The following ZNF623 variants were observed in gnomAD, a reference collection of about 807,000 sequenced individuals.
The protein encoded by ZNF623 is zinc finger protein 623.
Under a neutral mutation model 24.0 loss-of-function variants are expected in ZNF623, and 16 were observed. The ratio of observed to expected loss-of-function variants is 0.67; its 90% confidence interval spans 0.45 to 1.01. The LOEUF is 1.01. Among genes scored for constraint, ZNF623 ranks in the 50% least tolerant of loss-of-function variants. ZNF623 has a pLI of 0.00. For missense variants in ZNF623, 566 were observed against 606.5 expected, an observed-to-expected ratio of 0.93 and a Z score of 0.70; for synonymous variants, 224 against 219.8, an observed-to-expected ratio of 1.02 and a Z score of -0.17.
Position 143,650,279 on chromosome 8 carries a change from C to T in ZNF623, c.287C>T (p.Ser96Leu), listed in dbSNP as rs138574970. 107 of 1,614,102 alleles carry T rather than the reference C, an allele frequency of 6.6e-5. No homozygotes were observed. Among genetic ancestry groups the T allele is most frequent in the Admixed American group, 1.0e-4 (6 of 60,006 alleles). ...TGTGGCAAAACCTTCACGTTTAATT[C>T]GGACCTAGTTAGGCATCGGATTTCG... ...DICGKTFTFN[S>L]DLVRHRISHA... The change falls in exon 2 of 2, where the codon TCG becomes TTG. Residue 96 changes from serine to leucine, a missense_variant. By Grantham distance (145) the Ser-to-Leu change is moderately radical (BLOSUM62 -2). This residue lies in a region of ZNF623 where 313 missense variants were observed against 300.4 expected (regional missense o/e 1.04). Transcript: ENST00000526926. The surrounding 1 kb of genome is among the most constrained non-coding windows in gnomAD (Gnocchi z 5.2).
intron 1 of ZNF623, among the ~76,000 whole-genome samples, chr8:143,639,503 C>T (rs970550683): frequency 1.3e-5 from 2 of 152,194 alleles, no homozygotes; most frequent in African/African-American, 2.4e-5. Context: ...GGATTACAGG[C>T]GTGAGCCACT....
intron 1 of ZNF623, among the ~76,000 whole-genome samples, chr8:143,643,596 T>C (rs560562009): frequency 6.6e-6 from 1 of 152,322 alleles, no homozygotes; most frequent in Non-Finnish European, 1.5e-5. Context: ...AGTCAGCTTT[T>C]CCAAAGTGAG....
rs150366497 is a variant in ZNF623 at position 143,642,042 on chromosome 8, T to C, written c.-96+5897T>C. Among the ~76,000 whole-genome samples the C allele has an allele frequency of 1.8e-4, 27 of 152,338 alleles. 1 individual carries two copies. The highest frequency in any genetic ancestry group is 6.5e-4 in the African/African-American group (27 of 41,578). On this transcript the variant is annotated intron_variant, in intron 1 of 1. Coordinates refer to ENST00000526926, the MANE Select transcript of ZNF623 (RefSeq NM_001261843.2). ...TTGAAGCCAGGCATTGACTTCTCTC[T>C]AGCTGCGAAAGTCCTAGATGCCATC...
chr8:143,645,442 A>T (rs1815156364), intron 1 of ZNF623, among the ~76,000 whole-genome samples: 2 of 151,988 alleles, frequency 1.3e-5, no homozygotes, highest in Non-Finnish European at 2.9e-5. Flanking sequence ...AAAAAAAAAA[A>T]AAAGACAAAT....
chr8:143,643,305 C>T (rs1223621407), intron 1 of ZNF623, among the ~76,000 whole-genome samples: 2 of 152,224 alleles, frequency 1.3e-5, no homozygotes, highest in Non-Finnish European at 2.9e-5. Flanking sequence ...TGCAGCTTTG[C>T]GTGACCCTGC....
At chr8:143,648,349 G>A (rs568002039) in intron 1 of ZNF623, among the ~76,000 whole-genome samples, 2 of 152,276 alleles carry the variant, frequency 1.3e-5, no homozygotes, top group African/African-American at 4.8e-5. Context: ...GCCACCGCAG[G>A]TTGAGTTGGA....
Position 143,647,743 on chromosome 8 carries a change from A to T in ZNF623, c.-95-2155A>T, listed in dbSNP as rs1815206990. On this transcript the variant is annotated intron_variant, in intron 1 of 1. Coordinates refer to ENST00000526926, the MANE Select transcript of ZNF623 (RefSeq NM_001261843.2). The stretch of plus-strand genomic sequence containing the variant: ...GTTTTGAGTAGAAAAGTGACATCTG[A>T]TTTATGATTTTAAAGCGTAATTCTG... Among the ~76,000 whole-genome samples the T allele has an allele frequency of 3.3e-5, 5 of 152,276 alleles. No homozygotes were observed. In the South Asian group the frequency reaches 1.0e-3, roughly 32 times the overall value.
At position 143,638,590 on chromosome 8, in the gene ZNF623, T is replaced by G. The variant is rs192260454; in HGVS notation, c.-96+2445T>G. ...ATCTGTACTAAAAATGCAAAAAAAT[T>G]AGCCGGGCGTGGTGGCAGGCGCCCA... On this transcript the variant is annotated intron_variant, in intron 1 of 1. Coordinates refer to ENST00000526926, the MANE Select transcript of ZNF623 (RefSeq NM_001261843.2). Among the ~76,000 whole-genome samples the G allele has an allele frequency of 1.9e-3, 283 of 151,216 alleles. 1 individual carries two copies. Among genetic ancestry groups the G allele is most frequent in the Admixed American group, 4.7e-3 (71 of 15,142 alleles).
chr8:143,642,236 T>C (rs1306917929), intron 1 of ZNF623, among the ~76,000 whole-genome samples: 1 of 152,230 alleles, frequency 6.6e-6, no homozygotes, highest in Non-Finnish European at 1.5e-5. Flanking sequence ...TTAAACCTCA[T>C]GAACCAACCT....
chr8:143,647,556 A>G (rs1295579811), intron 1 of ZNF623, among the ~76,000 whole-genome samples: 1 of 152,168 alleles, frequency 6.6e-6, no homozygotes, highest in East Asian at 1.9e-4. Context: ...CCCTGCAAAT[A>G]TCTTTGGAGT....
intron 1 of ZNF623, among the ~76,000 whole-genome samples, chr8:143,643,053 G>C (rs545103244): frequency 5.1e-4 from 78 of 152,332 alleles, no homozygotes; most frequent in Admixed American, 8.5e-4. Context: ...GGAAGCAGAG[G>C]TTCCTCCATC....
intron 1 of ZNF623, among the ~76,000 whole-genome samples, chr8:143,648,230 G>A (rs907866221): frequency 4.5e-4 from 68 of 152,290 alleles, no homozygotes; most frequent in East Asian, 1.7e-3. Context: ...GCTTTGAGGC[G>A]TCAGGGGACA....
chr8:143,637,212 G>T (rs988960090), intron 1 of ZNF623, among the ~76,000 whole-genome samples: 1 of 152,238 alleles, frequency 6.6e-6, no homozygotes, highest in African/African-American at 2.4e-5. Flanking sequence ...TGCCTAGCCT[G>T]TGGCGCCCAG....
rs948379740 is a variant in ZNF623, at chr8:143,641,982, G to A, written c.-96+5837G>A. ...TGGCTTCACGTCACCAGCTGCATTC[G>A]CCCCTAACGAGAGTCAGCCTGTCCT... On this transcript the variant is annotated intron_variant, in intron 1 of 1. Transcript: ENST00000526926. Among the ~76,000 whole-genome samples, 20 of 152,230 alleles carry A rather than the reference G, an allele frequency of 1.3e-4. No homozygotes were observed. In the East Asian group the frequency reaches 3.1e-3, roughly 23 times the overall value.
intron 1 of ZNF623, among the ~76,000 whole-genome samples, chr8:143,637,289 C>G (rs1587321351): frequency 6.6e-6 from 1 of 152,218 alleles, no homozygotes; most frequent in Non-Finnish European, 1.5e-5. Flanking sequence ...CCACGTCTCA[C>G]TCGGTTGCCC....
chr8:143,636,631 G>A lies in ZNF623; in HGVS notation c.-96+486G>A, dbSNP rs534024482. Among the ~76,000 whole-genome samples, 32 of 152,324 alleles carry A rather than the reference G, an allele frequency of 2.1e-4. No homozygotes were observed. In the South Asian group the frequency reaches 6.6e-3, roughly 32 times the overall value. ...CCCTGGGGCCTCGAGGCCTCTCGGT[G>A]CTGGAGGAGATGCAGCGCCAGCATC... On this transcript the variant is annotated intron_variant, in intron 1 of 1. Transcript: ENST00000526926.
Position 143,652,789 on chromosome 8 carries a change from T to G in ZNF623, c.*1306T>G, listed in dbSNP as rs1308989014. 1.8e-5 allele frequency: 3 copies of G among 167,142 alleles called. No individual in the cohort carries two copies. The highest frequency in any genetic ancestry group is 7.2e-5 in the African/African-American group (3 of 41,470). The allele number at this position is 167,142 out of a possible 1,614,324, so 10.4% of individuals were successfully genotyped here. ...TGTTGTAGCAGTTCTGAGGTTGAAC[T>G]GAGCTCTTGTCATTTTCCATGCTCT... On this transcript the variant is annotated 3_prime_UTR_variant, in exon 2 of 2. Transcript: ENST00000526926.
rs1373535585 is a variant in ZNF623 at position 143,653,533 on chromosome 8, A to T, written c.*2050A>T. ...CACCTGTGTAACCACCACCGCCAGAACCAAAAACGTTTCTGTCACCCAAAG... is the reference window on the plus strand; with the variant it reads ...CACCTGTGTAACCACCACCGCCAGATCCAAAAACGTTTCTGTCACCCAAAG... On this transcript the variant is annotated 3_prime_UTR_variant, in exon 2 of 2. Coordinates refer to ENST00000526926, the MANE Select transcript of ZNF623 (RefSeq NM_001261843.2). 6.0e-6 allele frequency: 1 copy of T among 167,132 alleles called. No homozygotes were observed. The highest frequency in any genetic ancestry group is 1.9e-4 in the East Asian group (1 of 5,208). 10.4% of individuals were successfully genotyped at this position (167,132 alleles called of 1,614,324 possible).
rs1815383829 is a variant in ZNF623, at chr8:143,653,390, A to T, written c.*1907A>T. 6.0e-6 allele frequency: 1 copy of T among 167,142 alleles called. No homozygotes were observed. The highest frequency in any genetic ancestry group is 2.4e-5 in the African/African-American group (1 of 41,464). The allele number at this position is 167,142 out of a possible 1,614,324, so 10.4% of individuals were successfully genotyped here. On this transcript the variant is annotated 3_prime_UTR_variant, in exon 2 of 2. Transcript: ENST00000526926. The stretch of plus-strand genomic sequence containing the variant: ...AATCAGCATTACTAGAGATGTTTCA[A>T]ATGTAGATTTTACCAGACCATTTTA...
Sources: allele counts gnomAD v4.1 joint callset (sites outside exome capture counted in the v4.1 genomes callset), GRCh38; gene constraint gnomAD v4.1.1; regional missense constraint gnomAD v4.1.1; non-coding constraint Gnocchi (gnomAD v3.1); transcripts MANE v1.5; gene names NCBI Gene and HGNC (gene_info 2026-07-23, HGNC 2026-07-21).